C8orf89: variants seen among roughly 807,000 people sequenced by gnomAD.
C8orf89 encodes putative uncharacterized protein C8orf89.
Under a neutral mutation model 15.8 loss-of-function variants are expected in C8orf89, and 14 were observed. That is an observed-to-expected ratio of 0.89 (90% CI 0.59 to 1.39). The LOEUF (loss-of-function observed/expected upper bound fraction) is 1.39, where lower values mean the gene tolerates loss of function less well. C8orf89 is among the 40% of genes most tolerant of loss of function. C8orf89 has a pLI of 0.00. For missense variants in C8orf89, 181 were observed against 184.5 expected, an observed-to-expected ratio of 0.98 and a Z score of 0.11; for synonymous variants, 55 against 62.2, an observed-to-expected ratio of 0.88 and a Z score of 0.54.
chr8:73,249,280 G>A (rs988217218), intron 3 of C8orf89, among the ~76,000 whole-genome samples: 1 of 152,106 alleles, frequency 6.6e-6, no homozygotes, highest in Admixed American at 6.6e-5. Flanking sequence ...CTACTTAATT[G>A]TGGTGGATTA....
intron 3 of C8orf89, among the ~76,000 whole-genome samples, chr8:73,248,086 G>A (rs1293339758): frequency 6.6e-6 from 1 of 152,156 alleles, no homozygotes; most frequent in Non-Finnish European, 1.5e-5. Context: ...TTACATTTAA[G>A]TCTTTAATCT....
At chr8:73,245,690 G>A (rs1486605917) in intron 3 of C8orf89, among the ~76,000 whole-genome samples, 1 of 151,988 alleles carries the variant, frequency 6.6e-6, no homozygotes, top group Non-Finnish European at 1.5e-5. Flanking sequence ...TACAGATAAA[G>A]CAAAGACTAA....
At chr8:73,285,910 G>GCGTCTCC in the C8orf89 span, among the ~76,000 whole-genome samples, 4 of 152,208 alleles carry the variant, frequency 2.6e-5, no homozygotes, top group Non-Finnish European at 5.9e-5. Context: ...GGCCCGGCCG[G>GCGTCTCC]CGTCTCCCGA....
In C8orf89 at chr8:73,242,612, AC is replaced by A. The variant is rs1329124224; in HGVS notation, c.338-1008del. Among the ~76,000 whole-genome samples, 4 of 152,338 alleles carry A rather than the reference AC, an allele frequency of 2.6e-5. No homozygotes were observed. In the East Asian group the frequency reaches 7.7e-4, roughly 29 times the overall value. On this transcript the variant is annotated intron_variant, in intron 3 of 3. Transcript: ENST00000624510. ...CAAAACTACAATGAGATATCATTTCACCCCAATTAAAATGGCTTTTATCTAA... is the reference window on the plus strand; with the variant it reads ...CAAAACTACAATGAGATATCATTTCACCCAATTAAAATGGCTTTTATCTAA...
chr8:73,250,189 AGAAAG>A, intron 3 of C8orf89, 74 bp downstream of exon 3: 1 of 861,686 alleles, frequency 1.2e-6, no homozygotes, highest in Non-Finnish European at 1.8e-6. Flanking sequence ...ATCAATGAAA[AGAAAG>A]GAATTTTTTT....
the C8orf89 span, chr8:73,277,606 T>A: frequency 1.3e-6 from 1 of 762,406 alleles, no homozygotes; most frequent in South Asian, 1.4e-5. Context: ...AAACATCATC[T>A]TCTGCCTTTG....
At chr8:73,251,848 C>A (rs1813257045) in intron 2 of C8orf89, among the ~76,000 whole-genome samples, 1 of 152,154 alleles carries the variant, frequency 6.6e-6, no homozygotes, top group Non-Finnish European at 1.5e-5. Flanking sequence ...CAAAGTCCAT[C>A]GGCACAGGCA....
chr8:73,249,356 A>C (rs549444778), intron 3 of C8orf89, among the ~76,000 whole-genome samples: 16 of 152,248 alleles, frequency 1.1e-4, no homozygotes, highest in Admixed American at 5.2e-4. Flanking sequence ...ATCAATGTTC[A>C]TCAGGGATAT....
chr8:73,280,401 C>G, the C8orf89 span, among the ~76,000 whole-genome samples: 1 of 152,182 alleles, frequency 6.6e-6, no homozygotes, highest in Non-Finnish European at 1.5e-5. Flanking sequence ...AACGGAGTCT[C>G]ACTCTGTTGC....
At chr8:73,247,626 G>T (rs1813155501) in intron 3 of C8orf89, among the ~76,000 whole-genome samples, 1 of 151,786 alleles carries the variant, frequency 6.6e-6, no homozygotes, top group African/African-American at 2.4e-5. Flanking sequence ...CTTTTTGATA[G>T]TAGCCATTCT....
chr8:73,272,281 C>G, the C8orf89 span, among the ~76,000 whole-genome samples: 2 of 152,218 alleles, frequency 1.3e-5, no homozygotes, highest in East Asian at 1.9e-4. Flanking sequence ...GACCAGTTAA[C>G]TCAGGAAAAT....
chr8:73,252,264 A>G (rs528480588), intron 2 of C8orf89, among the ~76,000 whole-genome samples: 9 of 152,320 alleles, frequency 5.9e-5, no homozygotes, highest in South Asian at 2.1e-4. Flanking sequence ...TCAAAATCCA[A>G]CTATAGGAAG....
intron 3 of C8orf89, among the ~76,000 whole-genome samples, chr8:73,241,977 A>G (rs1156383564): frequency 6.6e-6 from 1 of 151,806 alleles, no homozygotes; most frequent in East Asian, 1.9e-4. Context: ...GCATCTCTCG[A>G]CATATAAAAA....
At chr8:73,256,016 G>A (rs1402046411) in intron 2 of C8orf89, among the ~76,000 whole-genome samples, 3 of 151,404 alleles carry the variant, frequency 2.0e-5, no homozygotes, top group South Asian at 4.2e-4. Flanking sequence ...GCTAAATGAC[G>A]AGTTAATGGG....
the C8orf89 span, among the ~76,000 whole-genome samples, chr8:73,275,437 C>T: frequency 1.3e-3 from 201 of 152,018 alleles, 1 homozygote; most frequent in African/African-American, 4.7e-3. Context: ...AGGTTTTCAC[C>T]ATGTCGGCCA....
At chr8:73,265,475 T>A in the C8orf89 span, among the ~76,000 whole-genome samples, 2 of 152,048 alleles carry the variant, frequency 1.3e-5, no homozygotes, top group Non-Finnish European at 2.9e-5. Context: ...AAGAAGGGAG[T>A]TGTTAATTCT....
chr8:73,284,186 A>C, the C8orf89 span, among the ~76,000 whole-genome samples: 1 of 149,076 alleles, frequency 6.7e-6, no homozygotes, highest in Non-Finnish European at 1.5e-5. Flanking sequence ...AAGTAAACTG[A>C]TATGAATGGT....
chr8:73,268,382 G>C, the C8orf89 span, among the ~76,000 whole-genome samples: 1 of 151,988 alleles, frequency 6.6e-6, no homozygotes, highest in African/African-American at 2.4e-5. Flanking sequence ...AGGAGGCTGG[G>C]GCAGGAGAAC....
chr8:73,262,479 T>C (rs1813546687), upstream of C8orf89, among the ~76,000 whole-genome samples: 1 of 152,152 alleles, frequency 6.6e-6, no homozygotes, highest in African/African-American at 2.4e-5. Context: ...ATCCTTATGC[T>C]TTTGTGTGTA....
Sources: allele counts gnomAD v4.1 joint callset (sites outside exome capture counted in the v4.1 genomes callset), GRCh38; gene constraint gnomAD v4.1.1; transcripts MANE v1.5; gene names NCBI Gene and HGNC (gene_info 2026-07-23, HGNC 2026-07-21).